TOGARAM1: variants seen among roughly 807,000 people sequenced by gnomAD.
TOGARAM1 encodes the protein TOG array regulator of axonemal microtubules protein 1.
TOGARAM1 carries 100 observed loss-of-function variants against 166.6 expected under a neutral mutation model. The observed-to-expected ratio is 0.60, with a 90% confidence interval of 0.51 to 0.71. The LOEUF is 0.71. Among genes scored for constraint, TOGARAM1 ranks in the 30% least tolerant of loss-of-function variants. The pLI, the probability that TOGARAM1 is intolerant of heterozygous loss-of-function variation, is 0.00. For missense variants in TOGARAM1, 2,029 were observed against 2,102.7 expected (o/e 0.96, Z 0.69); for synonymous variants, 758 against 763.8 (o/e 0.99, Z 0.13).
chr14:45,023,805 A>G (rs534189260), intron 7 of TOGARAM1, among the ~76,000 whole-genome samples: 3 of 152,096 alleles, frequency 2.0e-5, no homozygotes, highest in South Asian at 4.2e-4. Flanking sequence ...CAGTGGTGCA[A>G]TCTCGGCTGA....
Position 45,027,300 on chromosome 14 carries a change from C to T in TOGARAM1, c.3330C>T (p.Gly1110=), listed in dbSNP as rs375910485. The T allele has an allele frequency of 9.1e-5, 147 of 1,611,808 alleles. No homozygotes were observed. The highest frequency in any genetic ancestry group is 4.9e-4 in the Middle Eastern group (3 of 6,078). ...SEDSVVVVGK[G]VFGSLSSAPA... ...TATTTGGTGGTTGGTTGATTTCAGGCGTATTTGGAAGTTTAAGTTCAGCAC... is the reference window on the plus strand; with the variant it reads ...TATTTGGTGGTTGGTTGATTTCAGGTGTATTTGGAAGTTTAAGTTCAGCAC... The change falls in exon 9 of 20, where the codon GGC becomes GGT. Residue 1110 remains glycine (G), a splice_region_variant and synonymous_variant. Transcript: ENST00000361462.
At chr14:45,069,108 A>ATAT (rs1883265234) in intron 18 of TOGARAM1, among the ~76,000 whole-genome samples, 1 of 152,116 alleles carries the variant, frequency 6.6e-6, no homozygotes, top group East Asian at 1.9e-4. Flanking sequence ...TGATCCTATA[A>ATAT]TCTCAGCCCT....
At chr14:45,052,252 A>G (rs971626852) in intron 14 of TOGARAM1, among the ~76,000 whole-genome samples, 184 bp from the exon 15 acceptor site, 4 of 152,214 alleles carry the variant, frequency 2.6e-5, no homozygotes, top group African/African-American at 9.6e-5. Context: ...GTCGGAGACC[A>G]TCTGTACCCT....
chr14:45,034,653 G>C (rs1881333706), intron 11 of TOGARAM1, among the ~76,000 whole-genome samples: 1 of 152,148 alleles, frequency 6.6e-6, no homozygotes, highest in Admixed American at 6.5e-5. Context: ...TTGCTCCATA[G>C]TGTAGTAAAA....
chr14:45,025,425 A>T (rs2138901726), intron 7 of TOGARAM1: 1 of 164,972 alleles, frequency 6.1e-6, no homozygotes, highest in East Asian at 1.8e-4. Context: ...TGAGCTGAGC[A>T]TGGTGGTGCG....
chr14:44,974,977 T>C (rs1566600801), intron 1 of TOGARAM1, among the ~76,000 whole-genome samples: 1 of 152,184 alleles, frequency 6.6e-6, no homozygotes, highest in Non-Finnish European at 1.5e-5. Context: ...TGTTCTGTAG[T>C]GCTTTAATTA....
chr14:45,018,793 AAAG>A lies in TOGARAM1; in HGVS notation c.3238+6721_3238+6723del, dbSNP rs1443199310. Among the ~76,000 whole-genome samples, 4 of 152,350 alleles carry A rather than the reference AAAG, an allele frequency of 2.6e-5. No homozygotes were observed. In the East Asian group the frequency reaches 7.7e-4, roughly 29 times the overall value. On this transcript the variant is annotated intron_variant, in intron 7 of 19. Coordinates refer to ENST00000361462, the MANE Select transcript of TOGARAM1 (RefSeq NM_001308120.2). The stretch of plus-strand genomic sequence containing the variant: ...TATTTACATGTTTTATTTCCCATGT[AAAG>A]AAAATCAAGGACAAAAAATGCTTTT...
intron 1 of TOGARAM1, among the ~76,000 whole-genome samples, chr14:44,977,224 A>C (rs1006128346): frequency 1.1e-3 from 164 of 149,070 alleles, no homozygotes; most frequent in African/African-American, 3.8e-3. Context: ...GAAGAAAATT[A>C]GACAGACTTT....
rs373835730 is a variant in TOGARAM1, at chr14:45,014,191, G to A, written c.3238+2116G>A. Among the ~76,000 whole-genome samples, 14 of 151,776 alleles carry A rather than the reference G, an allele frequency of 9.2e-5. 1 individual carries two copies. The highest frequency in any genetic ancestry group is 1.9e-4 in the African/African-American group (8 of 41,424). On this transcript the variant is annotated intron_variant, in intron 7 of 19. Transcript: ENST00000361462. ...CTCCCAGGTAGCTGGGACTACAGGC[G>A]CCTGCCACTACGCCTGGCTAATTTT...
In TOGARAM1 at chr14:45,074,202, G is replaced by T. The variant is rs980438301; in HGVS notation, c.*641G>T. 9.8e-5 allele frequency: 15 copies of T among 152,710 alleles called. No individual in the cohort carries two copies. Among genetic ancestry groups the T allele is most frequent in the African/African-American group, 3.1e-4 (13 of 41,566 alleles). The allele number at this position is 152,710 out of a possible 1,614,324, so 9.5% of individuals were successfully genotyped here. The stretch of plus-strand genomic sequence containing the variant: ...AAAACATTAAACATTTTAAATGCAC[G>T]TTTAAAAAACGTGTTGAATGTAACC... On this transcript the variant is annotated 3_prime_UTR_variant, in exon 20 of 20. Coordinates refer to ENST00000361462, the MANE Select transcript of TOGARAM1 (RefSeq NM_001308120.2).
chr14:45,021,126 C>T (rs73348065), intron 7 of TOGARAM1, among the ~76,000 whole-genome samples: 24,329 of 152,002 alleles, frequency 0.16, 3,650 homozygotes, highest in African/African-American at 0.4. Flanking sequence ...TGTTTTTCTC[C>T]TGCCTGATCT....
chr14:45,032,105 A>C, intron 10 of TOGARAM1, 118 bp from the exon 11 acceptor site: 1 of 834,604 alleles, frequency 1.2e-6, no homozygotes, highest in Middle Eastern at 3.7e-4. Context: ...GGTTGCAGTG[A>C]GCTAAGATCG....
chr14:45,006,398 A>C, intron 5 of TOGARAM1, 131 bp downstream of exon 5: 6 of 649,074 alleles, frequency 9.2e-6, no homozygotes, highest in Middle Eastern at 4.5e-4. Context: ...ATTATAGAAA[A>C]TGTGGAAAAT....
chr14:44,968,386 A>T (rs1442294712), intron 1 of TOGARAM1, among the ~76,000 whole-genome samples: 1 of 152,022 alleles, frequency 6.6e-6, no homozygotes, highest in East Asian at 1.9e-4. Context: ...CAGCCTTCCG[A>T]GTAGCTGGGA....
At chr14:45,070,183 A>G (rs1480867175) in intron 18 of TOGARAM1, among the ~76,000 whole-genome samples, 1 of 152,140 alleles carries the variant, frequency 6.6e-6, no homozygotes, top group Non-Finnish European at 1.5e-5. Flanking sequence ...CTCCATCTCA[A>G]AAAAAAGAAA....
chr14:45,017,071 G>A (rs10132547), intron 7 of TOGARAM1, among the ~76,000 whole-genome samples: 24,437 of 152,046 alleles, frequency 0.16, 3,675 homozygotes, highest in African/African-American at 0.4. Context: ...AATACAAAAT[G>A]AACAATACCC....
In TOGARAM1 at chr14:44,962,243, G is replaced by C. The variant is rs1041066975; in HGVS notation, c.-179G>C. The C allele has an allele frequency of 1.5e-6, 1 of 657,212 alleles. No individual in the cohort carries two copies. Among genetic ancestry groups the C allele is most frequent in the Non-Finnish European group, 2.4e-6 (1 of 413,776 alleles). 40.7% of individuals were successfully genotyped at this position (657,212 alleles called of 1,614,324 possible). ...CAGCTGTGGGGTCTAGGGCTCAGAC[G>C]GGGGCCATTTTGCCAGAGGCTGCCT... On this transcript the variant is annotated 5_prime_UTR_variant, in exon 1 of 20. Transcript: ENST00000361462.
intron 16 of TOGARAM1, among the ~76,000 whole-genome samples, chr14:45,061,224 T>G (rs1320842186): frequency 6.6e-6 from 1 of 152,224 alleles, no homozygotes; most frequent in Non-Finnish European, 1.5e-5. Context: ...ACTGCCATTA[T>G]TTCCCTCTTC....
chr14:44,991,640 T>C, intron 1 of TOGARAM1, among the ~76,000 whole-genome samples: 1 of 152,144 alleles, frequency 6.6e-6, no homozygotes, highest in Non-Finnish European at 1.5e-5. Flanking sequence ...AGTAAGGAAC[T>C]ATGAGTCTAA....
Sources: allele counts gnomAD v4.1 joint callset (sites outside exome capture counted in the v4.1 genomes callset), GRCh38; gene constraint gnomAD v4.1.1; transcripts MANE v1.5; gene names NCBI Gene and HGNC (gene_info 2026-07-23, HGNC 2026-07-21).